The following SPTAN1 variants were observed in gnomAD, a reference collection of about 807,000 sequenced individuals.
SPTAN1 encodes spectrin alpha chain, non-erythrocytic 1.
Under a neutral mutation model 331.3 loss-of-function variants are expected in SPTAN1, and 61 were observed. That is an observed-to-expected ratio of 0.18 (90% CI 0.15 to 0.23). The LOEUF is 0.23. Among genes scored for constraint, SPTAN1 ranks in the 10% least tolerant of loss-of-function variants. The pLI is 1.00. For synonymous variants in SPTAN1, 1,153 were observed against 1,173.9 expected (o/e 0.98, Z 0.36); for missense variants, 2,043 against 3,147.9 (o/e 0.65, Z 8.40).
In SPTAN1 at chr9:128,632,132, G is replaced by A. The variant is rs1859855268; in HGVS notation, c.6768G>A (p.Lys2256=). The A allele has an allele frequency of 6.2e-7, 1 of 1,613,214 alleles. No homozygotes were observed. Among genetic ancestry groups the A allele is most frequent in the Admixed American group, 1.7e-5 (1 of 60,012 alleles). ...LESQLEATKR[K]HQEIRAMRSQ... is the part of the protein sequence containing the mutation. ...TGTGCTCCCCACCCCTGCAGCGCAA[G>A]CACCAGGAAATCCGAGCCATGAGAA... Residue 2256 remains lysine (K), a synonymous_variant, in exon 53 of 57, where the codon AAG becomes AAA. Transcript: ENST00000372739.
chr9:128,617,109 C>G (rs988932755), intron 41 of SPTAN1, among the ~76,000 whole-genome samples: 1 of 151,506 alleles, frequency 6.6e-6, no homozygotes, highest in Non-Finnish European at 1.5e-5. Context: ...CATAGTGGCG[C>G]ACACCTGTGG....
intron 18 of SPTAN1, among the ~76,000 whole-genome samples, chr9:128,585,278 C>G (rs554408202): frequency 1.3e-5 from 2 of 152,216 alleles, no homozygotes; most frequent in East Asian, 3.9e-4. Context: ...ATCCACCTAC[C>G]TCGGCCTCCC....
chr9:128,624,313 C>G lies in SPTAN1; in HGVS notation c.5833-15C>G, dbSNP rs771973581. 6.2e-6 allele frequency: 10 copies of G among 1,613,732 alleles called. No homozygotes were observed. Among genetic ancestry groups the G allele is most frequent in the Non-Finnish European group, 8.5e-6 (10 of 1,179,950 alleles). ...AGGTAAGGCTGACCAGTGTGTGCCT[C>G]TCTCCATGGCCTAGAACAATCACCA... On this transcript the variant is annotated splice_polypyrimidine_tract_variant and intron_variant, in intron 45 of 56. Transcript: ENST00000372739.
intron 18 of SPTAN1, among the ~76,000 whole-genome samples, chr9:128,585,431 C>T (rs1384859179): frequency 2.0e-5 from 3 of 152,144 alleles, no homozygotes; most frequent in Admixed American, 2.0e-4. Flanking sequence ...TGATAGAGTG[C>T]CTGCACGTGC....
At position 128,576,833 on chromosome 9, in the gene SPTAN1, C is replaced by G; in HGVS notation, c.662C>G (p.Pro221Arg). The G allele has an allele frequency of 6.2e-7, 1 of 1,613,808 alleles. No homozygotes were observed. The highest frequency in any genetic ancestry group is 8.5e-7 in the Non-Finnish European group (1 of 1,180,026). ...CTCTTCCTTGTTTAGGAGCAGCACC[C>G]TGAGGAGGAACTGATCAAGACTAAG... ...FAAKLIQEQH[P>R]EEELIKTKQD... The change falls in exon 6 of 57, where the codon CCT (proline) becomes CGT (arginine). Residue 221 changes from proline to arginine, a missense_variant. Coordinates refer to ENST00000372739, the MANE Select transcript of SPTAN1 (RefSeq NM_001130438.3).
intron 16 of SPTAN1, 25 bp from the exon 17 acceptor site, chr9:128,584,257 C>A (rs2131159755): frequency 6.2e-7 from 1 of 1,614,112 alleles, no homozygotes; most frequent in South Asian, 1.1e-5. Flanking sequence ...AAAGTAAAGT[C>A]TGCTCTGTCC....
chr9:128,630,639 C>A, intron 52 of SPTAN1: 1 of 434,702 alleles, frequency 2.3e-6, no homozygotes, highest in Non-Finnish European at 4.3e-6. Context: ...AGCAATTCTC[C>A]TGCCTCAGCC....
chr9:128,560,889 G>A (rs1019935301), intron 1 of SPTAN1, among the ~76,000 whole-genome samples: 1 of 151,724 alleles, frequency 6.6e-6, no homozygotes, highest in African/African-American at 2.4e-5. Flanking sequence ...GGTGGCGGGT[G>A]CCTGTAATCC....
intron 44 of SPTAN1, among the ~76,000 whole-genome samples, chr9:128,619,675 GAGGACATTTGCAA>G (rs768483935): frequency 4.3e-4 from 65 of 152,214 alleles, no homozygotes; most frequent in Non-Finnish European, 9.0e-4. Context: ...TACCTTTGCA[GAGGACATTTGCAA>G]AGATCTTGTT....
In SPTAN1 at chr9:128,588,810, A is replaced by G; in HGVS notation, c.2873A>G (p.Gln958Arg). 1 of 1,614,078 alleles carries G rather than the reference A, an allele frequency of 6.2e-7. No homozygotes were observed. The highest frequency in any genetic ancestry group is 8.5e-7 in the Non-Finnish European group (1 of 1,180,032). The change falls in exon 21 of 57, where the codon CAA (glutamine) becomes CGA (arginine). Residue 958 changes from glutamine to arginine, a missense_variant and splice_region_variant. Physicochemically the swap from Gln to Arg is conservative, Grantham distance 43. This residue lies in a region of SPTAN1 where 1,038 missense variants were observed against 1,531.5 expected (regional missense o/e 0.68). Coordinates refer to ENST00000372739, the MANE Select transcript of SPTAN1 (RefSeq NM_001130438.3). Reference protein sequence around the residue: ...ALREQAQSCRQQVAPTDDETG... With the variant: ...ALREQAQSCRRQVAPTDDETG... Reference sequence around the variant, plus strand: ...TTTGCCCTTCCTTTGGATTTTTAGCAACAAGTGGCCCCCACGGATGATGAG... The same window carrying G: ...TTTGCCCTTCCTTTGGATTTTTAGCGACAAGTGGCCCCCACGGATGATGAG...
At position 128,615,802 on chromosome 9, in the gene SPTAN1, G is replaced by A. The variant is rs1857094165; in HGVS notation, c.5319G>A (p.Gln1773=). The change falls in exon 41 of 57, where the codon CAG becomes CAA. Residue 1773 remains glutamine, a synonymous_variant. Coordinates refer to ENST00000372739, the MANE Select transcript of SPTAN1 (RefSeq NM_001130438.3). ...AKLNESHRLH[Q]FFRDMDDEES... ...TGAATGAATCCCATCGCCTGCACCAGTTCTTCCGGGACATGGATGACGAGG... is the reference window on the plus strand; with the variant it reads ...TGAATGAATCCCATCGCCTGCACCAATTCTTCCGGGACATGGATGACGAGG... The A allele has an allele frequency of 6.2e-7, 1 of 1,614,220 alleles. No homozygotes were observed. Among genetic ancestry groups the A allele is most frequent in the Non-Finnish European group, 8.5e-7 (1 of 1,180,042 alleles).
At chr9:128,613,232 G>A in intron 39 of SPTAN1, 149 bp from the exon 40 acceptor site, 1 of 715,362 alleles carries the variant, frequency 1.4e-6, no homozygotes, top group Non-Finnish European at 2.6e-6. Context: ...GCTGATTGGG[G>A]TGGCTAGGAA....
rs1858648378 is a variant in SPTAN1 at position 128,625,820 on chromosome 9, A to G, written c.6121A>G (p.Ile2041Val). Reference sequence around the variant, plus strand: ...CTTCCAGCAGGAAGGCATTGCCAACATCACTGCCCTCAAAGATCAGCTTCT... The same window carrying G: ...CTTCCAGCAGGAAGGCATTGCCAACGTCACTGCCCTCAAAGATCAGCTTCT... ...QAFQQEGIAN[I>V]TALKDQLLAA... Residue 2041 changes from isoleucine (I) to valine (V), a missense_variant, in exon 48 of 57, where the codon ATC (isoleucine) becomes GTC (valine). By Grantham distance (29) the Ile-to-Val change is conservative (BLOSUM62 3). Coordinates refer to ENST00000372739, the MANE Select transcript of SPTAN1 (RefSeq NM_001130438.3). The surrounding 1 kb of genome is among the most constrained non-coding windows in gnomAD (Gnocchi z 4.1). 6.2e-7 allele frequency: 1 copy of G among 1,614,206 alleles called. No individual in the cohort carries two copies. The highest frequency in any genetic ancestry group is 8.5e-7 in the Non-Finnish European group (1 of 1,180,038).
At chr9:128,599,194 G>A (rs1318708323) in intron 26 of SPTAN1, 1 of 602,544 alleles carries the variant, frequency 1.7e-6, no homozygotes, top group South Asian at 1.7e-5. Context: ...GAGTGCAGTG[G>A]TGTGATCTTG....
chr9:128,561,145 G>T (rs571656803), intron 1 of SPTAN1, among the ~76,000 whole-genome samples: 2 of 141,618 alleles, frequency 1.4e-5, no homozygotes, highest in Non-Finnish European at 3.1e-5. Flanking sequence ...CGAGGCGGGC[G>T]GACCACAAGG....
Position 128,607,890 on chromosome 9 carries a change from C to G in SPTAN1, c.4185C>G (p.Phe1395Leu), listed in dbSNP as rs775679777. The G allele has an allele frequency of 2.5e-6, 4 of 1,614,086 alleles. No homozygotes were observed. The highest frequency in any genetic ancestry group is 3.3e-5 in the Admixed American group (2 of 60,014). ...AAATCGATGCCAGGGCTGGCACTTTCCAGGCATTTGAGCAGTTTGGACAGC... is the reference window on the plus strand; with the variant it reads ...AAATCGATGCCAGGGCTGGCACTTTGCAGGCATTTGAGCAGTTTGGACAGC... ...RTEIDARAGT[F>L]QAFEQFGQQL... The change falls in exon 33 of 57, where the codon TTC becomes TTG. Residue 1395 changes from phenylalanine (F) to leucine (L), a missense_variant. Phe to Leu is a conservative substitution (Grantham distance 22). Transcript: ENST00000372739.
Position 128,577,184 on chromosome 9 carries a change from G to C in SPTAN1, c.841G>C (p.Asp281His). ...IKEKEQLMAS[D>H]DFGRDLASVQ... ...GGAAAAGGAGCAGTTAATGGCCTCT[G>C]ATGATTTTGGCCGAGACCTGGCAAG... The change falls in exon 7 of 57, where the codon GAT becomes CAT. Residue 281 changes from aspartate to histidine, a missense_variant. Asp to His is a moderately conservative substitution (Grantham distance 81). Transcript: ENST00000372739. The surrounding 1 kb of genome is among the most constrained non-coding windows in gnomAD (Gnocchi z 4.2). 1 of 1,614,222 alleles carries C rather than the reference G, an allele frequency of 6.2e-7. No individual in the cohort carries two copies. The highest frequency in any genetic ancestry group is 8.5e-7 in the Non-Finnish European group (1 of 1,180,040).
rs1361127065 is a variant in SPTAN1, at chr9:128,556,791, TTATG to T, written c.-4+4099_-4+4102del. ...TTTATTTATGGTGTTCAGTCATCCT[TTATG>T]TATTATTGACCTCTCTGCTTACCAT... On this transcript the variant is annotated intron_variant, in intron 1 of 56. Coordinates refer to ENST00000372739, the MANE Select transcript of SPTAN1 (RefSeq NM_001130438.3). 3.9e-5 allele frequency among the ~76,000 whole-genome samples: 6 copies of T among 152,334 alleles called. No individual in the cohort carries two copies. The East Asian group carries it at 9.6e-4, about 24-fold the overall frequency.
chr9:128,591,446 T>G, intron 21 of SPTAN1, 31 bp from the exon 22 acceptor site: 1 of 1,613,858 alleles, frequency 6.2e-7, no homozygotes, highest in East Asian at 2.2e-5. Context: ...GAGAAGGAAT[T>G]TACTTTCAGT....
Sources: gnomAD v4.1 joint callset for allele counts (sites outside exome capture counted in the v4.1 genomes callset) on GRCh38, gnomAD v4.1.1 for gene constraint, gnomAD v4.1.1 regional missense constraint, Gnocchi (gnomAD v3.1) non-coding constraint, MANE v1.5 for transcripts, NCBI Gene and HGNC (gene_info 2026-07-23, HGNC 2026-07-21) for gene names.